CACNA1H: variants seen among roughly 807,000 people sequenced by gnomAD.
CACNA1H encodes voltage-dependent T-type calcium channel subunit alpha-1H.
CACNA1H carries 149 observed loss-of-function variants against 192.5 expected under a neutral mutation model. The ratio of observed to expected loss-of-function variants is 0.77; its 90% CI spans 0.68 to 0.89. The LOEUF (loss-of-function observed/expected upper bound fraction) is 0.89. Ranked by LOEUF, CACNA1H falls within the 40% of genes least tolerant of loss-of-function variation. The pLI, the probability that CACNA1H is intolerant of heterozygous loss-of-function variation, is 0.00. For synonymous variants in CACNA1H, 2,202 were observed against 1,475.2 expected (o/e 1.49, Z -11.29); for missense variants, 4,257 against 3,423.5 (o/e 1.24, Z -6.08).
Position 1,195,563 on chromosome 16 carries a change from G to A in CACNA1H, c.543G>A (p.Ala181=), listed in dbSNP as rs781049180. The change falls in exon 4 of 35, where the codon GCG becomes GCA. Residue 181 remains alanine (A), a splice_region_variant and synonymous_variant. Transcript: ENST00000348261. ...WNRLDFFIVV[A]GMMEYSLDGH... Reference sequence around the variant, plus strand: ...GGCTGGATTTCTTCATCGTCGTGGCGGGGTAGGCCCCGCCTGGGAGAGGCC... The same window carrying A: ...GGCTGGATTTCTTCATCGTCGTGGCAGGGTAGGCCCCGCCTGGGAGAGGCC... The A allele has an allele frequency of 8.3e-5, 132 of 1,591,260 alleles. No individual in the cohort carries two copies. The highest frequency in any genetic ancestry group is 1.1e-4 in the Admixed American group (6 of 56,750).
chr16:1,197,289 G>T (rs1311047404), intron 5 of CACNA1H, among the ~76,000 whole-genome samples: 1 of 152,248 alleles, frequency 6.6e-6, no homozygotes, highest in Non-Finnish European at 1.5e-5. Context: ...CGTGCGGTGA[G>T]GGGACGCGTG....
intron 2 of CACNA1H, among the ~76,000 whole-genome samples, chr16:1,189,397 CTTTTTTTTTTTTTTTTTTTTTTT>C (rs3990780): frequency 2.2e-5 from 1 of 45,016 alleles, no homozygotes; most frequent in African/African-American, 5.6e-5. Flanking sequence ...GAAGAGTGTC[CTTTTTTTTTTTTTTTTTTTTTTT>C]TTTTTTTTTT....
intron 2 of CACNA1H, among the ~76,000 whole-genome samples, chr16:1,169,892 G>A (rs1469388445): frequency 6.6e-6 from 1 of 152,268 alleles, no homozygotes; most frequent in Non-Finnish European, 1.5e-5. Flanking sequence ...CTGCAGTCAC[G>A]CTGGGAAGCT....
In CACNA1H at chr16:1,211,268, A is replaced by T; in HGVS notation, c.4324A>T (p.Ile1442Phe). The T allele has an allele frequency of 7.4e-6, 12 of 1,613,044 alleles. No homozygotes were observed. Among genetic ancestry groups the T allele is most frequent in the Non-Finnish European group, 1.0e-5 (12 of 1,179,732 alleles). The part of the protein sequence containing the change: ...NIVLICCAFF[I>F]IFGILGVQLF... Reference sequence around the variant, plus strand: ...CGTCCTCATCTGCTGCGCCTTCTTCATCATTTTTGGCATTTTGGGTGTGCA... The same window carrying T: ...CGTCCTCATCTGCTGCGCCTTCTTCTTCATTTTTGGCATTTTGGGTGTGCA... The change falls in exon 22 of 35, where the codon ATC becomes TTC. Residue 1442 changes from isoleucine to phenylalanine, a missense_variant. Transcript: ENST00000348261.
rs748908706 is a variant in CACNA1H, at chr16:1,210,419, G to C, written c.3895G>C (p.Val1299Leu). 6.7e-7 allele frequency: 1 copy of C among 1,496,504 alleles called. No homozygotes were observed. The highest frequency in any genetic ancestry group is 9.0e-7 in the Non-Finnish European group (1 of 1,110,564). 92.7% of individuals were successfully genotyped at this position (1,496,504 alleles called of 1,614,324 possible). The change falls in exon 19 of 35, where the codon GTG (valine) becomes CTG (leucine). Residue 1299 changes from valine (V) to leucine (L), a missense_variant. Transcript: ENST00000348261. ...KVITHKMFDH[V>L]VLVFIFLNCV... ...CATCACACACAAGATGTTTGATCAC[G>C]TGGTCCTCGTCTTCATCTTCCTCAA...
rs113911743 is a variant in CACNA1H, at chr16:1,185,664, G to C, written c.300-9308G>C. 6.4e-4 allele frequency among the ~76,000 whole-genome samples: 39 copies of C among 60,730 alleles called. 5 individuals are homozygous for C. Among genetic ancestry groups the C allele is most frequent in the Non-Finnish European group, 1.2e-3 (26 of 21,956 alleles). 39.8% of individuals were successfully genotyped at this position (60,730 alleles called of 152,430 possible). ...GAGTAGACGGTCGGCATGCATAGGG[G>C]CCGGAGGCGGGGTGTGTACGGGGCG... is the stretch of plus-strand genomic sequence containing the variant. On this transcript the variant is annotated intron_variant, in intron 2 of 34. Coordinates refer to ENST00000348261, the MANE Select transcript of CACNA1H (RefSeq NM_021098.3).
chr16:1,208,084 CTCA>C lies in CACNA1H; in HGVS notation c.3231_3233del (p.Ile1077del). 6.2e-7 allele frequency: 1 copy of C among 1,601,062 alleles called. No individual in the cohort carries two copies. Among genetic ancestry groups the C allele is most frequent in the Non-Finnish European group, 8.5e-7 (1 of 1,175,092 alleles). ...GGGACGAGGCAGCCTGTCCCCTCCC[CTCA>C]TCATGTGCACAGCTGCCACGCCCAT... On this transcript the variant is annotated inframe_deletion, in exon 16 of 35. Transcript: ENST00000348261.
chr16:1,200,803 A>G lies in CACNA1H; in HGVS notation c.1207A>G (p.Ile403Val), dbSNP rs1361354671. The change falls in exon 8 of 35, where the codon ATC becomes GTC. Residue 403 changes from isoleucine to valine, a missense_variant. Ile to Val is a conservative substitution (Grantham distance 29, BLOSUM62 3). Coordinates refer to ENST00000348261, the MANE Select transcript of CACNA1H (RefSeq NM_021098.3). Reference protein sequence around the residue: ...FYNFIYFILLIIVGSFFMINL... With the variant: ...FYNFIYFILLVIVGSFFMINL... ...CAACTTCATCTATTTCATCCTGCTC[A>G]TCATCGTGAGTGTGGGCGGCAGTGT... 3.2e-6 allele frequency: 5 copies of G among 1,551,038 alleles called. No individual in the cohort carries two copies. Among genetic ancestry groups the G allele is most frequent in the African/African-American group, 1.4e-5 (1 of 72,968 alleles).
At position 1,200,591 on chromosome 16, in the gene CACNA1H, G is replaced by A; in HGVS notation, c.1119+20G>A. 2 of 1,610,576 alleles carry A rather than the reference G, an allele frequency of 1.2e-6. No homozygotes were observed. Among genetic ancestry groups the A allele is most frequent in the African/African-American group, 2.7e-5 (2 of 75,020 alleles). On this transcript the variant is annotated intron_variant, in intron 7 of 34. Transcript: ENST00000348261. Reference sequence around the variant, plus strand: ...TTCCAGGTGGGCGGCAAGATGGTGGGACGGGGACCCTGGGGCACGGCAGGG... The same window carrying A: ...TTCCAGGTGGGCGGCAAGATGGTGGAACGGGGACCCTGGGGCACGGCAGGG...
At chr16:1,184,474 G>A (rs568475483) in intron 2 of CACNA1H, among the ~76,000 whole-genome samples, 2 of 152,228 alleles carry the variant, frequency 1.3e-5, no homozygotes, top group Non-Finnish European at 2.9e-5. Flanking sequence ...ATCACCTGCC[G>A]GCCTGGGCTG....
rs140216159 is a variant in CACNA1H at position 1,184,963 on chromosome 16, T to G, written c.300-10009T>G. Among the ~76,000 whole-genome samples the G allele has an allele frequency of 1.1e-3, 175 of 152,308 alleles. 1 individual carries two copies. The highest frequency in any genetic ancestry group is 4.0e-3 in the African/African-American group (167 of 41,552). On this transcript the variant is annotated intron_variant, in intron 2 of 34. Transcript: ENST00000348261. ...AGCGCACGGGTTAGCGACCTTCGTG[T>G]TGTTGAACCATCACCTCTGCCTAGT...
intron 2 of CACNA1H, among the ~76,000 whole-genome samples, chr16:1,170,136 A>C (rs1964215825): frequency 6.6e-6 from 1 of 152,168 alleles, no homozygotes. Context: ...GTCTGCCTGC[A>C]GGTGTGCCAG....
intron 3 of CACNA1H, 138 bp downstream of exon 3, chr16:1,195,221 C>A: frequency 1.2e-6 from 1 of 866,674 alleles, no homozygotes; most frequent in South Asian, 1.7e-5. Context: ...GGGCGAGGTT[C>A]ACGGCGGGGC....
rs908813625 is a variant in CACNA1H at position 1,218,635 on chromosome 16, G to A, written c.5871G>A (p.Gly1957=). The A allele has an allele frequency of 3.2e-6, 5 of 1,551,638 alleles. No individual in the cohort carries two copies. The highest frequency in any genetic ancestry group is 1.9e-5 in the Admixed American group (1 of 51,808). The change falls in exon 33 of 35, where the codon GGG becomes GGA. Residue 1957 remains glycine, a synonymous_variant. Coordinates refer to ENST00000348261, the MANE Select transcript of CACNA1H (RefSeq NM_021098.3). The stretch of plus-strand genomic sequence containing the variant: ...AGGAGGTGGAGATGGAGACCTATGG[G>A]GCCGGCACCCCCTTGGGTATGGTAG... ...PLQEVEMETY[G]AGTPLGSVAS...
intron 26 of CACNA1H, 144 bp from the exon 27 acceptor site, chr16:1,213,636 G>A: frequency 1.8e-6 from 1 of 549,700 alleles, no homozygotes. Flanking sequence ...CTGCCATGAG[G>A]CAGGGCCAGC....
At position 1,204,325 on chromosome 16, in the gene CACNA1H, G is replaced by A. The variant is rs267606697; in HGVS notation, c.2318G>A (p.Gly773Asp). The change falls in exon 10 of 35, where the codon GGC becomes GAC. Residue 773 changes from glycine (G) to aspartate (D), a missense_variant. By Grantham distance (94) the Gly-to-Asp change is moderately conservative. Coordinates refer to ENST00000348261, the MANE Select transcript of CACNA1H (RefSeq NM_021098.3). ...CAGAGGGCAGCCCCGGGCGAGCCAG[G>A]CTGGATGGGCCGCCTCTGGGTTACC... ...AQQRAAPGEP[G>D]WMGRLWVTFS... 93 of 1,595,922 alleles carry A rather than the reference G, an allele frequency of 5.8e-5. No homozygotes were observed. In the East Asian group the frequency reaches 1.9e-3, roughly 33 times the overall value.
At chr16:1,214,064 G>T (rs1209737860) in intron 27 of CACNA1H, 133 bp downstream of exon 27, 3 of 771,142 alleles carry the variant, frequency 3.9e-6, no homozygotes, top group African/African-American at 3.5e-5. Flanking sequence ...GTGGGGTTTT[G>T]TGTGAACACG....
In CACNA1H at chr16:1,210,074, A is replaced by G; in HGVS notation, c.3784A>G (p.Lys1262Glu). The change falls in exon 18 of 35, where the codon AAG becomes GAG. Residue 1262 changes from lysine to glutamate, a missense_variant. Lys to Glu is a moderately conservative substitution (Grantham distance 56). Coordinates refer to ENST00000348261, the MANE Select transcript of CACNA1H (RefSeq NM_021098.3). ...CCTGCATAAAGTGCTGGAGCCCTAC[A>G]AGCCCCAGTGGTGCCGGAGCCGCGA... ...LRLHKVLEPY[K>E]PQWCRSREAW... 6.4e-7 allele frequency: 1 copy of G among 1,558,204 alleles called. No individual in the cohort carries two copies. Among genetic ancestry groups the G allele is most frequent in the Non-Finnish European group, 8.7e-7 (1 of 1,151,790 alleles).
In CACNA1H at chr16:1,221,659, G is replaced by C. The variant is rs918125661; in HGVS notation, c.*665G>C. 2.9e-6 allele frequency: 3 copies of C among 1,026,718 alleles called. No individual in the cohort carries two copies. The highest frequency in any genetic ancestry group is 3.4e-5 in the South Asian group (2 of 58,052). 63.6% of individuals were successfully genotyped at this position (1,026,718 alleles called of 1,614,324 possible). ...AGATTCCCATTGACACCTTTGTTTC[G>C]TGTGCTTTTAAATTCAGGTTAAATG... On this transcript the variant is annotated 3_prime_UTR_variant, in exon 35 of 35. Transcript: ENST00000348261.
Sources: allele counts gnomAD v4.1 joint callset (sites outside exome capture counted in the v4.1 genomes callset), GRCh38; gene constraint gnomAD v4.1.1; transcripts MANE v1.5; gene names NCBI Gene and HGNC (gene_info 2026-07-23, HGNC 2026-07-21).